TMEM117: variants seen among roughly 807,000 people sequenced by gnomAD.
TMEM117 encodes the protein transmembrane protein 117.
In TMEM117, 27 loss-of-function variants were observed where a neutral mutation model predicts 52.4. The ratio of observed to expected loss-of-function variants is 0.51; its 90% CI spans 0.38 to 0.71. TMEM117 has a LOEUF of 0.71. Among genes scored for constraint, TMEM117 ranks in the 30% least tolerant of loss-of-function variants. TMEM117 has a pLI of 0.00. For missense variants in TMEM117, 556 were observed against 630.5 expected (o/e 0.88, Z 1.26); for synonymous variants, 215 against 206.3 (o/e 1.04, Z -0.36).
intron 2 of TMEM117, among the ~76,000 whole-genome samples, chr12:43,861,119 G>A (rs931900833): frequency 3.3e-5 from 5 of 152,112 alleles, no homozygotes; most frequent in East Asian, 3.8e-4. Context: ...ATCCCTGTCC[G>A]TAGTGGAGGC....
rs564453119 is a variant in TMEM117, at chr12:44,157,086, C to T, written c.510+13462C>T. ...ATCAGGACAAGCACTGCCAGCCCAC[C>T]GCTTTCAGTTCATAATATGAAGAAC... On this transcript the variant is annotated intron_variant, in intron 4 of 7. Transcript: ENST00000266534. Among the ~76,000 whole-genome samples the T allele has an allele frequency of 9.8e-4, 149 of 152,216 alleles. 1 individual carries two copies. Among genetic ancestry groups the T allele is most frequent in the African/African-American group, 2.9e-3 (119 of 41,532 alleles).
At chr12:44,275,118 C>G (rs760606152) in intron 5 of TMEM117, among the ~76,000 whole-genome samples, 1 of 151,790 alleles carries the variant, frequency 6.6e-6, no homozygotes, top group Non-Finnish European at 1.5e-5. Flanking sequence ...TTGAATAACC[C>G]GATCAAAAAA....
intron 2 of TMEM117, among the ~76,000 whole-genome samples, chr12:43,937,999 G>T (rs942460650): frequency 3.3e-5 from 5 of 151,970 alleles, no homozygotes; most frequent in Non-Finnish European, 7.4e-5. Flanking sequence ...TTTGCGGCTT[G>T]TGCTCAAGCT....
chr12:43,871,934 G>A (rs530806299), intron 2 of TMEM117, among the ~76,000 whole-genome samples: 1 of 152,266 alleles, frequency 6.6e-6, no homozygotes, highest in South Asian at 2.1e-4. Context: ...AATGGTAGAT[G>A]CTCAAAGGTT....
chr12:43,941,990 T>G (rs1381058279), intron 2 of TMEM117, among the ~76,000 whole-genome samples: 1 of 152,242 alleles, frequency 6.6e-6, no homozygotes, highest in Non-Finnish European at 1.5e-5. Context: ...CATATGCTTA[T>G]GTTAAGAAAG....
intron 2 of TMEM117, among the ~76,000 whole-genome samples, chr12:43,864,606 A>C (rs1943551575): frequency 1.3e-5 from 2 of 151,986 alleles, no homozygotes; most frequent in Admixed American, 6.6e-5. Flanking sequence ...TATCTAGCTA[A>C]TCTAGTGGGG....
At chr12:44,057,209 C>G (rs12230287) in intron 3 of TMEM117, among the ~76,000 whole-genome samples, 24,082 of 152,064 alleles carry the variant, frequency 0.16, 2,852 homozygotes, top group African/African-American at 0.33. Context: ...TGCCCAGTTG[C>G]TAAGCGGGTC....
At chr12:44,179,214 C>CTA (rs371905020) in intron 4 of TMEM117, among the ~76,000 whole-genome samples, 243 of 150,278 alleles carry the variant, frequency 1.6e-3, no homozygotes, top group African/African-American at 4.2e-3. Context: ...AACAAAGCTG[C>CTA]TATATATATA....
intron 3 of TMEM117, among the ~76,000 whole-genome samples, chr12:43,968,103 A>G (rs1488333564): frequency 6.6e-6 from 1 of 152,254 alleles, no homozygotes; most frequent in African/African-American, 2.4e-5. Flanking sequence ...GCTCAGGCAT[A>G]GAGACCACAT....
chr12:44,103,482 A>G (rs557158161), intron 3 of TMEM117, among the ~76,000 whole-genome samples: 1 of 151,902 alleles, frequency 6.6e-6, no homozygotes, highest in Non-Finnish European at 1.5e-5. Context: ...CTTTCTACCT[A>G]TGTGTGTACT....
intron 3 of TMEM117, among the ~76,000 whole-genome samples, chr12:44,011,976 A>C (rs1349851613): frequency 6.6e-6 from 1 of 152,186 alleles, no homozygotes; most frequent in Non-Finnish European, 1.5e-5. Flanking sequence ...CACTACTTAG[A>C]ATGGTGCATA....
At chr12:44,183,198 A>G (rs1284779181) in intron 4 of TMEM117, among the ~76,000 whole-genome samples, 5 of 152,196 alleles carry the variant, frequency 3.3e-5, no homozygotes, top group African/African-American at 4.8e-5. Context: ...GATAATTATT[A>G]TCTAATGACT....
intron 6 of TMEM117, among the ~76,000 whole-genome samples, chr12:44,327,489 C>T (rs1208141069): frequency 1.3e-5 from 2 of 152,124 alleles, no homozygotes; most frequent in Non-Finnish European, 2.9e-5. Flanking sequence ...CTAAAAGACA[C>T]ACTCATTTTT....
At chr12:43,967,250 G>A (rs556678556) in intron 3 of TMEM117, among the ~76,000 whole-genome samples, 1 of 151,926 alleles carries the variant, frequency 6.6e-6, no homozygotes, top group South Asian at 2.1e-4. Flanking sequence ...TCAGCCTCCT[G>A]GGTAACTGGG....
chr12:43,801,151 G>A, the TMEM117 span, among the ~76,000 whole-genome samples: 1 of 152,170 alleles, frequency 6.6e-6, no homozygotes, highest in Non-Finnish European at 1.5e-5. Context: ...AAACTGAAAT[G>A]AAGTAACTTT....
chr12:44,278,927 A>G lies in TMEM117; in HGVS notation c.609-20653A>G, dbSNP rs142404717. Among the ~76,000 whole-genome samples the G allele has an allele frequency of 3.5e-3, 539 of 152,302 alleles. 3 individuals carry two copies. The highest frequency in any genetic ancestry group is 0.014 in the East Asian group (74 of 5,186). On this transcript the variant is annotated intron_variant, in intron 5 of 7. Transcript: ENST00000266534. ...TTTTATTTGCTCTTTCTTCAAGGCAATGGATAATTTTAGTGCCTTCTTGAG... is the reference window on the plus strand; with the variant it reads ...TTTTATTTGCTCTTTCTTCAAGGCAGTGGATAATTTTAGTGCCTTCTTGAG...
At chr12:44,360,557 ACT>A (rs1192076182) in intron 6 of TMEM117, among the ~76,000 whole-genome samples, 2 of 150,138 alleles carry the variant, frequency 1.3e-5, no homozygotes, top group African/African-American at 2.5e-5. Context: ...ACAAAGTGAG[ACT>A]CTGTCTCAAA....
At chr12:44,150,092 C>T (rs779753559) in intron 4 of TMEM117, among the ~76,000 whole-genome samples, 1 of 152,142 alleles carries the variant, frequency 6.6e-6, no homozygotes, top group Non-Finnish European at 1.5e-5. Flanking sequence ...CTCAACCTAC[C>T]CCTGATTAGT....
chr12:44,196,008 C>G (rs1486610440), intron 4 of TMEM117, among the ~76,000 whole-genome samples: 1 of 152,008 alleles, frequency 6.6e-6, no homozygotes, highest in African/African-American at 2.4e-5. Context: ...ATTGCTTGAG[C>G]CCAGGAATTC....
Sources: gnomAD v4.1 joint callset for allele counts (sites outside exome capture counted in the v4.1 genomes callset) on GRCh38, gnomAD v4.1.1 for gene constraint, MANE v1.5 for transcripts, NCBI Gene and HGNC (gene_info 2026-07-23, HGNC 2026-07-21) for gene names.